The following DPP10 variants were observed in gnomAD, a reference collection of about 807,000 sequenced individuals.
DPP10 encodes dipeptidyl peptidase like 10.
In DPP10, 33 loss-of-function variants were observed where a neutral mutation model predicts 120.9. That is an observed-to-expected ratio of 0.27 (90% confidence interval 0.21 to 0.37). The LOEUF is 0.37. DPP10 is among the 10% of genes least tolerant of loss of function. The pLI is 1.00. For missense variants in DPP10, 816 were observed against 942.8 expected (o/e 0.87, Z 1.76); for synonymous variants, 337 against 326.1 (o/e 1.03, Z -0.36).
intron 1 of DPP10, among the ~76,000 whole-genome samples, chr2:115,034,601 GA>G (rs1704090286): frequency 6.6e-6 from 1 of 152,122 alleles, no homozygotes; most frequent in Admixed American, 6.5e-5. Context: ...TAAAACTCAA[GA>G]CCCTTCTCAG....
intron 3 of DPP10, among the ~76,000 whole-genome samples, chr2:115,473,261 G>A (rs2074850625): frequency 6.6e-6 from 1 of 152,172 alleles, no homozygotes; most frequent in Admixed American, 6.6e-5. Flanking sequence ...ATTTGAGCCA[G>A]GGTTAGTAAG....
intron 1 of DPP10, among the ~76,000 whole-genome samples, chr2:114,460,794 C>T (rs1678862925): frequency 6.6e-6 from 1 of 152,036 alleles, no homozygotes; most frequent in East Asian, 1.9e-4. Context: ...TTCATTAGGA[C>T]AAATTAGAGA....
At chr2:114,827,413 A>C (rs79220546) in intron 1 of DPP10, among the ~76,000 whole-genome samples, 1,819 of 152,288 alleles carry the variant, frequency 0.012, 35 homozygotes, top group African/African-American at 0.042. Context: ...CATTGAAAAA[A>C]ACTGGGGTAC....
chr2:115,403,289 C>A (rs4383342), intron 3 of DPP10, among the ~76,000 whole-genome samples: 1 of 150,132 alleles, frequency 6.7e-6, no homozygotes, highest in South Asian at 2.1e-4. Context: ...TAGTATTATT[C>A]TTAACAGTGG....
intron 19 of DPP10, among the ~76,000 whole-genome samples, chr2:115,801,923 G>A (rs1339320673): frequency 6.6e-6 from 1 of 152,098 alleles, no homozygotes; most frequent in African/African-American, 2.4e-5. Context: ...GCTCGGCTTT[G>A]GTATCAGGAT....
At chr2:115,706,177 A>AC (rs2092097979) in intron 7 of DPP10, among the ~76,000 whole-genome samples, 1 of 152,018 alleles carries the variant, frequency 6.6e-6, no homozygotes, top group African/African-American at 2.4e-5. Context: ...ATATGCAATT[A>AC]TGTTATATAA....
At chr2:115,659,006 A>G (rs1558990827) in intron 5 of DPP10, among the ~76,000 whole-genome samples, 1 of 152,146 alleles carries the variant, frequency 6.6e-6, no homozygotes, top group Non-Finnish European at 1.5e-5. Context: ...GAGAAGTGGG[A>G]CCTTTCAGAG....
intron 1 of DPP10, among the ~76,000 whole-genome samples, chr2:114,903,207 G>A (rs1024142751): frequency 2.0e-5 from 3 of 152,070 alleles, no homozygotes; most frequent in African/African-American, 7.2e-5. Flanking sequence ...CTACTGAAGG[G>A]CATCTTGGTT....
At chr2:114,844,824 A>G (rs1688419936) in intron 1 of DPP10, among the ~76,000 whole-genome samples, 1 of 152,186 alleles carries the variant, frequency 6.6e-6, no homozygotes, top group Admixed American at 6.6e-5. Context: ...CTTATACAAA[A>G]CTAATCTTAC....
chr2:115,122,725 A>G (rs996648967), intron 1 of DPP10, among the ~76,000 whole-genome samples: 4 of 152,246 alleles, frequency 2.6e-5, no homozygotes, highest in Non-Finnish European at 5.9e-5. Context: ...TAGGCAGTGC[A>G]GGTTTTCAGG....
At chr2:114,472,397 C>A (rs938408819) in intron 1 of DPP10, among the ~76,000 whole-genome samples, 2 of 152,280 alleles carry the variant, frequency 1.3e-5, no homozygotes, top group African/African-American at 2.4e-5. Context: ...TAATTGCAAG[C>A]TTTCTAAAAT....
At chr2:115,028,379 T>G (rs1181958071) in intron 1 of DPP10, among the ~76,000 whole-genome samples, 2 of 152,090 alleles carry the variant, frequency 1.3e-5, no homozygotes. Context: ...TGTTGACTTT[T>G]TATGTGTTTC....
intron 3 of DPP10, among the ~76,000 whole-genome samples, chr2:115,356,872 G>A (rs767525064): frequency 5.3e-5 from 8 of 151,850 alleles, no homozygotes; most frequent in Non-Finnish European, 2.9e-5. Flanking sequence ...TTTTCCTTTG[G>A]GTATATACCA....
chr2:115,275,411 A>G (rs1050896615), intron 1 of DPP10, among the ~76,000 whole-genome samples: 1 of 152,212 alleles, frequency 6.6e-6, no homozygotes, highest in African/African-American at 2.4e-5. Flanking sequence ...CATTCAGCAC[A>G]TGATTAGGGT....
intron 1 of DPP10, among the ~76,000 whole-genome samples, chr2:114,604,985 A>C (rs1407717531): frequency 6.6e-6 from 1 of 152,114 alleles, no homozygotes; most frequent in Non-Finnish European, 1.5e-5. Context: ...TTCTTGAATG[A>C]GCATCTCTTC....
intron 1 of DPP10, among the ~76,000 whole-genome samples, chr2:115,195,376 A>G (rs1447812052): frequency 6.6e-6 from 1 of 152,190 alleles, no homozygotes. Flanking sequence ...AGGGATTGCA[A>G]CTGTGGAAGG....
chr2:115,163,969 C>A (rs1239616690), intron 1 of DPP10, among the ~76,000 whole-genome samples: 1 of 152,142 alleles, frequency 6.6e-6, no homozygotes, highest in Non-Finnish European at 1.5e-5. Flanking sequence ...GGTGCAAGCT[C>A]GAATCCATTT....
intron 5 of DPP10, among the ~76,000 whole-genome samples, chr2:115,650,904 GAAGA>G (rs1174918772): frequency 3.3e-5 from 5 of 151,948 alleles, no homozygotes; most frequent in East Asian, 1.9e-4. Flanking sequence ...AGAAAGAAAG[GAAGA>G]AAGAGAGTGA....
chr2:115,136,151 C>G (rs913853322), intron 1 of DPP10, among the ~76,000 whole-genome samples: 1 of 115,812 alleles, frequency 8.6e-6, no homozygotes, highest in African/African-American at 3.3e-5. Context: ...ACAGCAGCTA[C>G]CTGGTTTATG....
Sources: gnomAD v4.1 joint callset for allele counts (sites outside exome capture counted in the v4.1 genomes callset) on GRCh38, gnomAD v4.1.1 for gene constraint, MANE v1.5 for transcripts, NCBI Gene and HGNC (gene_info 2026-07-23, HGNC 2026-07-21) for gene names.